LRRIQ1: variants seen among roughly 807,000 people sequenced by gnomAD.
LRRIQ1 encodes leucine rich repeats and IQ motif containing 1, also known as leucine-rich repeat- and IQ domain-containing protein 1.
Under a neutral mutation model 211.9 loss-of-function variants are expected in LRRIQ1, and 210 were observed. The ratio of observed to expected loss-of-function variants is 0.99; its 90% CI spans 0.89 to 1.11. The LOEUF (loss-of-function observed/expected upper bound fraction) is 1.11, where lower values mean the gene tolerates loss of function less well. Ranked by LOEUF, LRRIQ1 falls within the 50% of genes most tolerant of loss-of-function variation. The probability of loss-of-function intolerance (pLI) is 0.00; values close to 1 mark genes in which losing one functional copy is unlikely to be tolerated. For synonymous variants in LRRIQ1, 699 were observed against 650.1 expected (o/e 1.08, Z -1.14); for missense variants, 2,136 against 1,939.5 (o/e 1.10, Z -1.90).
rs1889222736 is a variant in LRRIQ1 at position 85,137,581 on chromosome 12, A to G, written c.4210-269A>G. On this transcript the variant is annotated intron_variant, in intron 18 of 26. Transcript: ENST00000393217. ...TCCTGGAGGAATTGTAACATAATTG[A>G]TTGGTTGACCTACATGTGCAGTTGA... Among the ~76,000 whole-genome samples, 4 of 151,422 alleles carry G rather than the reference A, an allele frequency of 2.6e-5. No individual in the cohort carries two copies. In the Admixed American group the frequency reaches 2.6e-4, roughly 10 times the overall value.
downstream of LRRIQ1, among the ~76,000 whole-genome samples, chr12:85,246,294 T>C (rs560276221): frequency 4.0e-5 from 6 of 151,180 alleles, no homozygotes; most frequent in South Asian, 1.2e-3. Context: ...TTTAACATAA[T>C]GTACTAACTT....
chr12:85,272,125 C>G, the LRRIQ1 span, among the ~76,000 whole-genome samples: 1 of 152,016 alleles, frequency 6.6e-6, no homozygotes, highest in African/African-American at 2.4e-5. Flanking sequence ...GTTAGAGATG[C>G]CCAAAGAAGC....
intron 1 of LRRIQ1, among the ~76,000 whole-genome samples, chr12:85,258,583 A>G (rs1293726640): frequency 6.6e-6 from 1 of 151,962 alleles, no homozygotes; most frequent in Non-Finnish European, 1.5e-5. Flanking sequence ...CAGTGACCTT[A>G]CAAAGCAACT....
At chr12:85,064,266 G>C (rs1388417830) in intron 8 of LRRIQ1, among the ~76,000 whole-genome samples, 2 of 151,874 alleles carry the variant, frequency 1.3e-5, no homozygotes, top group Admixed American at 6.6e-5. Flanking sequence ...ACATTTATCT[G>C]ATGATCAGTG....
At chr12:85,147,847 G>T (rs930703156) in intron 19 of LRRIQ1, among the ~76,000 whole-genome samples, 54 of 151,612 alleles carry the variant, frequency 3.6e-4, no homozygotes, top group African/African-American at 1.3e-3. Flanking sequence ...CCCAAAATGG[G>T]AATTATCAAG....
intron 26 of LRRIQ1, among the ~76,000 whole-genome samples, chr12:85,234,079 CA>C (rs57407994): frequency 4.5e-4 from 67 of 149,974 alleles, no homozygotes; most frequent in African/African-American, 1.5e-3. Flanking sequence ...CCCAAAAATA[CA>C]AAAAAAAATA....
At chr12:85,071,568 C>T (rs1883085566) in intron 10 of LRRIQ1, among the ~76,000 whole-genome samples, 1 of 151,800 alleles carries the variant, frequency 6.6e-6, no homozygotes, top group African/African-American at 2.4e-5. Flanking sequence ...CAAAAGATAC[C>T]TATAATTAGG....
chr12:85,041,682 T>C (rs192229415), intron 3 of LRRIQ1, among the ~76,000 whole-genome samples: 187 of 151,958 alleles, frequency 1.2e-3, no homozygotes, highest in Admixed American at 2.8e-3. Flanking sequence ...TTGTGGACTT[T>C]GGATTCTATT....
intron 11 of LRRIQ1, chr12:85,076,589 G>T (rs989503406): frequency 2.2e-5 from 17 of 789,962 alleles, no homozygotes; most frequent in Non-Finnish European, 2.5e-5. Context: ...TTGCCCACTA[G>T]TATTGTAAAT....
chr12:85,056,834 C>T lies in LRRIQ1; in HGVS notation c.2041C>T (p.His681Tyr), dbSNP rs1465714237. The change falls in exon 8 of 27, where the codon CAT (histidine) becomes TAT (tyrosine). Residue 681 changes from histidine to tyrosine, a missense_variant. By Grantham distance (83) the His-to-Tyr change is moderately conservative. Transcript: ENST00000393217. ...TGACCAAGATTATGTGTTAGGTAGA[C>T]ATGCTCCTTGTGAGGGCTTGAGTAA... ...RNDQDYVLGR[H>Y]APCEGLSNYN... 2 of 1,613,048 alleles carry T rather than the reference C, an allele frequency of 1.2e-6. No individual in the cohort carries two copies. Among genetic ancestry groups the T allele is most frequent in the Non-Finnish European group, 8.5e-7 (1 of 1,179,460 alleles).
Position 85,154,108 on chromosome 12 carries a change from G to A in LRRIQ1, c.4720+14G>A. 1 of 1,437,616 alleles carries A rather than the reference G, an allele frequency of 7.0e-7. No individual in the cohort carries two copies. The allele number at this position is 1,437,616 out of a possible 1,614,324, so 89.1% of individuals were successfully genotyped here. On this transcript the variant is annotated intron_variant, in intron 23 of 26. Coordinates refer to ENST00000393217, the MANE Select transcript of LRRIQ1 (RefSeq NM_001079910.2). The stretch of plus-strand genomic sequence containing the variant: ...AGAAAAAAATAGGTGAGTAATTAGT[G>A]CTCTTTGAATAATAACTGTGTATGG...
chr12:85,070,223 A>G (rs906595121), intron 10 of LRRIQ1, among the ~76,000 whole-genome samples: 1 of 151,966 alleles, frequency 6.6e-6, no homozygotes, highest in Admixed American at 6.6e-5. Context: ...GCAGTCATAC[A>G]GTATTTGACG....
intron 24 of LRRIQ1, among the ~76,000 whole-genome samples, chr12:85,212,707 G>GTA (rs999555314): frequency 6.7e-6 from 1 of 149,060 alleles, no homozygotes; most frequent in Admixed American, 6.7e-5. Context: ...GTATGTATAT[G>GTA]TATATATATG....
At chr12:85,125,781 T>A (rs1888333930) in intron 17 of LRRIQ1, among the ~76,000 whole-genome samples, 2 of 152,178 alleles carry the variant, frequency 1.3e-5, no homozygotes, top group Admixed American at 6.5e-5. Context: ...TCCAAACACT[T>A]CAAACGTTGC....
downstream of LRRIQ1, among the ~76,000 whole-genome samples, chr12:85,268,098 G>A (rs1896461564): frequency 6.6e-6 from 1 of 151,688 alleles, no homozygotes; most frequent in African/African-American, 2.4e-5. Context: ...GGATCAATTC[G>A]ACATACCATA....
chr12:85,203,661 T>C (rs978737613), intron 24 of LRRIQ1, among the ~76,000 whole-genome samples: 1 of 152,134 alleles, frequency 6.6e-6, no homozygotes, highest in African/African-American at 2.4e-5. Flanking sequence ...ACTGGTGGCA[T>C]TGTGTCCCTG....
intron 24 of LRRIQ1, among the ~76,000 whole-genome samples, chr12:85,165,340 C>A (rs1028979007): frequency 6.6e-6 from 1 of 152,022 alleles, no homozygotes; most frequent in East Asian, 1.9e-4. Flanking sequence ...TCTGTCTTTG[C>A]GTCCATGTGT....
At chr12:85,093,626 G>A (rs1885608594) in intron 11 of LRRIQ1, among the ~76,000 whole-genome samples, 1 of 152,092 alleles carries the variant, frequency 6.6e-6, no homozygotes, top group Non-Finnish European at 1.5e-5. Flanking sequence ...CACAAAAAGT[G>A]TCCTCACATT....
At chr12:85,167,767 AC>A (rs1891225474) in intron 24 of LRRIQ1, among the ~76,000 whole-genome samples, 2 of 152,160 alleles carry the variant, frequency 1.3e-5, no homozygotes, top group Admixed American at 6.5e-5. Context: ...TCAAGTTGAC[AC>A]CCAGTATTAA....
Sources: allele counts gnomAD v4.1 joint callset (sites outside exome capture counted in the v4.1 genomes callset), GRCh38; gene constraint gnomAD v4.1.1; transcripts MANE v1.5; gene names NCBI Gene and HGNC (gene_info 2026-07-23, HGNC 2026-07-21).